Variants in GLI3 observed in about 807,000 individuals in gnomAD.
The protein encoded by GLI3 is GLI family zinc finger 3.
GLI3 carries 20 observed loss-of-function variants against 100.8 expected under a neutral mutation model. The observed-to-expected ratio is 0.20, with a 90% CI of 0.14 to 0.29. The LOEUF (loss-of-function observed/expected upper bound fraction) is 0.29, where lower values mean the gene tolerates loss of function less well. GLI3 is among the 10% of genes least tolerant of loss of function. The pLI, the probability that GLI3 is intolerant of heterozygous loss-of-function variation, is 1.00. For missense variants in GLI3, 2,040 were observed against 2,128.5 expected (o/e 0.96, Z 0.82); for synonymous variants, 938 against 860.5 (o/e 1.09, Z -1.58).
chr7:42,025,255 G>T lies in GLI3; in HGVS notation c.1356+9C>A, dbSNP rs753054743. 6.9e-6 allele frequency: 11 copies of T among 1,588,956 alleles called. No individual in the cohort carries two copies. In the Admixed American group the frequency reaches 1.7e-4, roughly 24 times the overall value. On this transcript the variant is annotated intron_variant, in intron 9 of 14. Transcript: ENST00000395925. ...GTGGGCGCTGGCCTGTGCGGCCTCG[G>T]TGTCCTACCTGCTGCCCCCGAGCCC...
At chr7:42,227,473 T>C (rs528091368) in intron 1 of GLI3, among the ~76,000 whole-genome samples, 19 of 152,272 alleles carry the variant, frequency 1.2e-4, no homozygotes, top group Admixed American at 3.3e-4. Flanking sequence ...CTGAACCTTT[T>C]GTAATTTCCC....
intron 10 of GLI3, among the ~76,000 whole-genome samples, chr7:41,987,574 C>T (rs929305516): frequency 2.0e-5 from 3 of 152,178 alleles, no homozygotes; most frequent in Admixed American, 2.0e-4. Flanking sequence ...TTCCTCTGTC[C>T]TCATCGTCCA....
intron 12 of GLI3, among the ~76,000 whole-genome samples, chr7:41,974,774 T>C (rs968651289): frequency 2.0e-5 from 3 of 152,240 alleles, no homozygotes; most frequent in African/African-American, 7.2e-5. Context: ...GCATGGAACA[T>C]AGTAAGCACT....
chr7:42,016,187 G>A lies in GLI3; in HGVS notation c.1497+7281C>T, dbSNP rs114650031. 2.5e-3 allele frequency among the ~76,000 whole-genome samples: 384 copies of A among 152,202 alleles called. 1 individual carries two copies. Among genetic ancestry groups the A allele is most frequent in the African/African-American group, 8.7e-3 (360 of 41,520 alleles). On this transcript the variant is annotated intron_variant, in intron 10 of 14. Transcript: ENST00000395925. ...GAAACCTTGGTTTGGTGTAACCACC[G>A]AAGAAAATTTCCAGAAGGATGTCAG...
At chr7:42,138,029 C>T (rs1786471322) in intron 3 of GLI3, among the ~76,000 whole-genome samples, 1 of 152,122 alleles carries the variant, frequency 6.6e-6, no homozygotes, top group Non-Finnish European at 1.5e-5. Context: ...TAAGGCTCTG[C>T]CTAGGTGTTT....
intron 7 of GLI3, among the ~76,000 whole-genome samples, chr7:42,038,450 G>C (rs1231594217): frequency 6.6e-6 from 1 of 152,200 alleles, no homozygotes; most frequent in Admixed American, 6.5e-5. Context: ...TTACAGATGT[G>C]AAGACTAAAC....
chr7:41,980,914 A>C (rs1365361879), intron 10 of GLI3, among the ~76,000 whole-genome samples: 1 of 152,228 alleles, frequency 6.6e-6, no homozygotes, highest in Non-Finnish European at 1.5e-5. Flanking sequence ...AAATTACTAT[A>C]CAATTACAGT....
chr7:42,085,290 T>C (rs1035505998), intron 3 of GLI3, among the ~76,000 whole-genome samples: 1 of 152,182 alleles, frequency 6.6e-6, no homozygotes, highest in Non-Finnish European at 1.5e-5. Flanking sequence ...AAGGGGAGGT[T>C]TGGAAGTTGT....
chr7:42,237,525 C>T (rs995540077), upstream of GLI3, among the ~76,000 whole-genome samples: 20 of 151,800 alleles, frequency 1.3e-4, no homozygotes, highest in African/African-American at 4.1e-4. Flanking sequence ...CCCTCGGCTC[C>T]GCGCTCCCCT....
At chr7:42,219,909 A>C (rs1226782224) in intron 2 of GLI3, among the ~76,000 whole-genome samples, 1 of 147,442 alleles carries the variant, frequency 6.8e-6, no homozygotes, top group African/African-American at 2.5e-5. Context: ...GCTGGAGTGC[A>C]GTGGCACGAT....
At chr7:42,115,125 T>C (rs1340056883) in intron 3 of GLI3, among the ~76,000 whole-genome samples, 2 of 149,024 alleles carry the variant, frequency 1.3e-5, no homozygotes, top group Non-Finnish European at 3.0e-5. Context: ...CCCCAAATAA[T>C]TTTCCTACTT....
At chr7:42,079,023 C>T (rs569433506) in intron 3 of GLI3, among the ~76,000 whole-genome samples, 1 of 152,108 alleles carries the variant, frequency 6.6e-6, no homozygotes, top group Non-Finnish European at 1.5e-5. Flanking sequence ...GCCACCGCGC[C>T]CGGCCTCATT....
intron 1 of GLI3, among the ~76,000 whole-genome samples, chr7:42,258,764 C>A (rs1397859857): frequency 6.6e-6 from 1 of 152,108 alleles, no homozygotes; most frequent in African/African-American, 2.4e-5. Flanking sequence ...GGGCTTGAAT[C>A]CCATTCACGA....
At chr7:42,243,670 A>G (rs1788945754) in intron 1 of GLI3, among the ~76,000 whole-genome samples, 1 of 152,188 alleles carries the variant, frequency 6.6e-6, no homozygotes, top group African/African-American at 2.4e-5. Context: ...ATGCCAAGGA[A>G]AGCAAGTTTC....
chr7:42,244,305 A>G lies in GLI3; in HGVS notation c.-43+19689T>C, dbSNP rs572160153. Reference sequence around the variant, plus strand: ...CACTTACTTTTTATTTGAAATAACAATGAAAAAAAATTCATTCTGCTAACT... The same window carrying G: ...CACTTACTTTTTATTTGAAATAACAGTGAAAAAAAATTCATTCTGCTAACT... On this transcript the variant is annotated intron_variant, in intron 1 of 2. Coordinates refer to the GLI3 transcript ENST00000678978. Among the ~76,000 whole-genome samples the G allele has an allele frequency of 5.9e-5, 9 of 152,286 alleles. No homozygotes were observed. The East Asian group carries it at 1.7e-3, about 29-fold the overall frequency.
At chr7:42,238,015 TC>T (rs1788863767), upstream of GLI3, 2 of 139,952 alleles carry the variant, frequency 1.4e-5, no homozygotes, top group Non-Finnish European at 1.4e-5. Context: ...CTCCTCCTCC[TC>T]CTCCTCCTTC....
intron 3 of GLI3, among the ~76,000 whole-genome samples, chr7:42,115,942 G>A (rs898525673): frequency 2.6e-5 from 4 of 151,996 alleles, no homozygotes; most frequent in Non-Finnish European, 5.9e-5. Flanking sequence ...AGATTGTTGT[G>A]GGTTGTCTTG....
At chr7:42,201,168 A>G (rs1357371768) in intron 2 of GLI3, among the ~76,000 whole-genome samples, 1 of 152,224 alleles carries the variant, frequency 6.6e-6, no homozygotes, top group Non-Finnish European at 1.5e-5. Flanking sequence ...TAGAATAATT[A>G]CAACAATATA....
At chr7:42,019,338 C>T (rs1788867465) in intron 10 of GLI3, among the ~76,000 whole-genome samples, 2 of 152,172 alleles carry the variant, frequency 1.3e-5, no homozygotes, top group African/African-American at 4.8e-5. Context: ...GAACCTGAGA[C>T]TAACGTGTGC....
Sources: gnomAD v4.1 joint callset for allele counts (sites outside exome capture counted in the v4.1 genomes callset) on GRCh38, gnomAD v4.1.1 for gene constraint, MANE v1.5 for transcripts, NCBI Gene and HGNC (gene_info 2026-07-23, HGNC 2026-07-21) for gene names.